Variants in CYB5A observed in about 807,000 individuals in gnomAD.
The protein encoded by CYB5A is cytochrome b5 type A.
CYB5A carries 10 observed loss-of-function variants against 16.2 expected under a neutral mutation model. The observed-to-expected ratio is 0.62, with a 90% confidence interval of 0.38 to 1.04. The LOEUF is 1.04. CYB5A is among the 50% of genes least tolerant of loss of function. CYB5A has a pLI of 0.01. For missense variants in CYB5A, 161 were observed against 165.9 expected, an observed-to-expected ratio of 0.97 and a Z score of 0.16; for synonymous variants, 62 against 57.0, an observed-to-expected ratio of 1.09 and a Z score of -0.40.
At chr18:74,271,580 A>C (rs1194472500) in intron 1 of CYB5A, among the ~76,000 whole-genome samples, 2 of 152,322 alleles carry the variant, frequency 1.3e-5, no homozygotes, top group Middle Eastern at 3.4e-3. Flanking sequence ...TGATGCTTTG[A>C]TACACATATA....
At chr18:74,270,327 G>A (rs1280469964) in intron 1 of CYB5A, among the ~76,000 whole-genome samples, 1 of 152,072 alleles carries the variant, frequency 6.6e-6, no homozygotes, top group East Asian at 1.9e-4. Flanking sequence ...GACCAATGTG[G>A]GCGGATTGCT....
At chr18:74,274,485 G>A (rs931364797) in intron 1 of CYB5A, among the ~76,000 whole-genome samples, 1 of 152,202 alleles carries the variant, frequency 6.6e-6, no homozygotes, top group Non-Finnish European at 1.5e-5. Context: ...TTCTTAGTGT[G>A]AAGGCAATAA....
intron 1 of CYB5A, among the ~76,000 whole-genome samples, chr18:74,270,666 T>A (rs1982634437): frequency 6.6e-6 from 1 of 152,204 alleles, no homozygotes; most frequent in Non-Finnish European, 1.5e-5. Context: ...AACTATACAG[T>A]ATAACTGCTT....
chr18:74,283,499 ACCT>A (rs1983197850), intron 1 of CYB5A, among the ~76,000 whole-genome samples: 2 of 152,132 alleles, frequency 1.3e-5, no homozygotes, highest in South Asian at 4.1e-4. Context: ...TGTTTCCTTC[ACCT>A]CCTAGAAGGC....
intron 1 of CYB5A, among the ~76,000 whole-genome samples, chr18:74,268,709 A>G (rs1427965910): frequency 6.6e-6 from 1 of 152,040 alleles, no homozygotes; most frequent in Non-Finnish European, 1.5e-5. Context: ...GACGGTAAGG[A>G]TGGTGGGAGA....
At chr18:74,283,881 G>A (rs534763532) in intron 1 of CYB5A, among the ~76,000 whole-genome samples, 24 of 152,232 alleles carry the variant, frequency 1.6e-4, no homozygotes, top group African/African-American at 5.5e-4. Flanking sequence ...AAGACATACC[G>A]TCTTACCTTT....
At chr18:74,270,827 T>G (rs80293629) in intron 1 of CYB5A, among the ~76,000 whole-genome samples, 1,984 of 152,308 alleles carry the variant, frequency 0.013, 42 homozygotes, top group African/African-American at 0.036. Context: ...GAGGACTCCC[T>G]GGAGCACACC....
chr18:74,288,248 C>G (rs1377645648), intron 1 of CYB5A, among the ~76,000 whole-genome samples: 1 of 152,210 alleles, frequency 6.6e-6, no homozygotes, highest in Admixed American at 6.5e-5. Context: ...GCCAGCAGAG[C>G]AGGATCCCTC....
At chr18:74,279,499 C>T (rs1199706300) in intron 1 of CYB5A, among the ~76,000 whole-genome samples, 1 of 152,152 alleles carries the variant, frequency 6.6e-6, no homozygotes, top group African/African-American at 2.4e-5. Context: ...CACTGCACTC[C>T]AGCCTGGGCG....
intron 1 of CYB5A, among the ~76,000 whole-genome samples, chr18:74,266,970 T>A (rs996913778): frequency 6.6e-6 from 1 of 152,160 alleles, no homozygotes; most frequent in African/African-American, 2.4e-5. Context: ...AAATAACTCA[T>A]CTTGATAAGA....
intron 2 of CYB5A, among the ~76,000 whole-genome samples, chr18:74,262,646 T>C (rs1432894473): frequency 6.6e-6 from 1 of 152,154 alleles, no homozygotes; most frequent in Non-Finnish European, 1.5e-5. Flanking sequence ...TTTTAAATCA[T>C]TTTTTAGAAC....
intron 3 of CYB5A, chr18:74,257,065 C>A: frequency 1.8e-6 from 1 of 551,986 alleles, no homozygotes; most frequent in Non-Finnish European, 3.2e-6. Context: ...TTAGAGGACA[C>A]AATCAGTTCT....
chr18:74,254,818 C>A (rs1458844222), intron 4 of CYB5A, among the ~76,000 whole-genome samples: 2 of 152,136 alleles, frequency 1.3e-5, no homozygotes, highest in Non-Finnish European at 2.9e-5. Context: ...CCGCGCCTGG[C>A]CTCTATTTGA....
chr18:74,267,938 G>A (rs375862558), intron 1 of CYB5A, among the ~76,000 whole-genome samples: 138 of 152,336 alleles, frequency 9.1e-4, no homozygotes, highest in South Asian at 8.1e-3. Flanking sequence ...GGGTCAGTAA[G>A]GAGGACCCAG....
At position 74,281,821 on chromosome 18, in the gene CYB5A, G is replaced by GGTGTGT. The variant is rs34280956; in HGVS notation, c.129+9920_129+9925dup. 9.7e-3 allele frequency among the ~76,000 whole-genome samples: 1,402 copies of GGTGTGT among 144,560 alleles called. 15 individuals carry two copies. The highest frequency in any genetic ancestry group is 0.032 in the African/African-American group (1,260 of 38,832). 94.8% of individuals were successfully genotyped at this position (144,560 alleles called of 152,430 possible). ...TATGTGTGTTTTTGCAGGAGAGGAG[G>GGTGTGT]GTGTGTGTGTGTGTGTGTGTGTTTT... On this transcript the variant is annotated intron_variant, in intron 1 of 4. Coordinates refer to ENST00000340533, the MANE Select transcript of CYB5A (RefSeq NM_148923.4).
intron 1 of CYB5A, among the ~76,000 whole-genome samples, chr18:74,286,887 A>G (rs1339131424): frequency 6.6e-6 from 1 of 152,244 alleles, no homozygotes. Flanking sequence ...CCTTTAAGAT[A>G]ATCAAAAAGC....
chr18:74,282,659 C>A (rs1417496072), intron 1 of CYB5A, among the ~76,000 whole-genome samples: 1 of 152,186 alleles, frequency 6.6e-6, no homozygotes, highest in Non-Finnish European at 1.5e-5. Flanking sequence ...AAGCCTGACA[C>A]AGGGGAAACC....
chr18:74,283,070 T>C (rs557430049), intron 1 of CYB5A, among the ~76,000 whole-genome samples: 2 of 151,886 alleles, frequency 1.3e-5, no homozygotes, highest in East Asian at 3.9e-4. Flanking sequence ...CCATGAGAGG[T>C]GGCAAAGATA....
At chr18:74,257,080 C>G (rs1982014849) in intron 3 of CYB5A, 1 of 510,352 alleles carries the variant, frequency 2.0e-6, no homozygotes, top group East Asian at 3.1e-5. Flanking sequence ...AGTTCTGAAA[C>G]AAAAGAATCA....
Sources: gnomAD v4.1 joint callset for allele counts (sites outside exome capture counted in the v4.1 genomes callset) on GRCh38, gnomAD v4.1.1 for gene constraint, MANE v1.5 for transcripts, NCBI Gene and HGNC (gene_info 2026-07-23, HGNC 2026-07-21) for gene names.